SLC7A2: variants seen among roughly 807,000 people sequenced by gnomAD.
SLC7A2 encodes cationic amino acid transporter 2.
In SLC7A2, 48 loss-of-function variants were observed where a neutral mutation model predicts 58.9. That is an observed-to-expected ratio of 0.82 (90% CI 0.65 to 1.04). SLC7A2 has a LOEUF of 1.04. Among genes scored for constraint, SLC7A2 ranks in the 50% least tolerant of loss-of-function variants. SLC7A2 has a pLI of 0.00. For missense variants in SLC7A2, 1,029 were observed against 818.8 expected, an observed-to-expected ratio of 1.26 and a Z score of -3.13; for synonymous variants, 363 against 314.5, an observed-to-expected ratio of 1.15 and a Z score of -1.63.
At chr8:17,497,054 G>C (rs1225868498), upstream of SLC7A2, 1 of 150,768 alleles carries the variant, frequency 6.6e-6, no homozygotes, top group African/African-American at 2.4e-5. Context: ...CCCGCCCCGG[G>C]TGGCTACACA....
intron 8 of SLC7A2, 140 bp from the exon 9 acceptor site, chr8:17,558,155 A>T: frequency 1.7e-6 from 1 of 596,522 alleles, no homozygotes; most frequent in East Asian, 2.8e-5. Flanking sequence ...ACTGTGAGAG[A>T]TATATTTTCT....
At chr8:17,528,050 A>T (rs543475260) in intron 2 of SLC7A2, among the ~76,000 whole-genome samples, 10 of 152,234 alleles carry the variant, frequency 6.6e-5, no homozygotes, top group African/African-American at 2.4e-4. Context: ...GTAACCTTCC[A>T]GGAAGAAGAA....
rs1185787869 is a variant in SLC7A2, at chr8:17,568,359, T to G, written c.*3213T>G. ...TATGAGGAAAACTTATATTAGAACT[T>G]TTGATATATACTAAAATACTGATTA... On this transcript the variant is annotated 3_prime_UTR_variant, in exon 13 of 13. Transcript: ENST00000494857. The G allele has an allele frequency of 6.6e-6, 1 of 152,110 alleles. No individual in the cohort carries two copies. Among genetic ancestry groups the G allele is most frequent in the East Asian group, 1.9e-4 (1 of 5,172 alleles). 9.4% of individuals were successfully genotyped at this position (152,110 alleles called of 1,614,324 possible).
At chr8:17,564,299 T>C (rs571213611) in intron 12 of SLC7A2, among the ~76,000 whole-genome samples, 4 of 152,380 alleles carry the variant, frequency 2.6e-5, no homozygotes, top group East Asian at 1.9e-4. Flanking sequence ...AAGTACAGTA[T>C]TGACTTCTAA....
intron 2 of SLC7A2, among the ~76,000 whole-genome samples, chr8:17,532,244 A>AAAAAAACAAAC (rs1267098349): frequency 3.2e-5 from 4 of 123,832 alleles, no homozygotes; most frequent in African/African-American, 1.1e-4. Context: ...AAAAAAAAAA[A>AAAAAAACAAAC]AAAAAAAAAA....
Position 17,548,683 on chromosome 8 carries a change from T to C in SLC7A2, c.538T>C (p.Leu180=). 6.3e-7 allele frequency: 1 copy of C among 1,596,552 alleles called. No homozygotes were observed. Among genetic ancestry groups the C allele is most frequent in the Non-Finnish European group, 8.5e-7 (1 of 1,174,260 alleles). Residue 180 remains leucine (L), a synonymous_variant, in exon 5 of 13, where the codon TTG becomes CTG. Transcript: ENST00000494857. The part of the protein sequence containing the change: ...VCLILLLAGL[L]SFGVKESAWV... ...GAAATGCCCTTTTTCCATAGGTCTT[T>C]TGTCTTTTGGAGTAAAAGAGTCTGC... is the stretch of plus-strand genomic sequence containing the variant.
In SLC7A2 at chr8:17,551,870, G is replaced by C. The variant is rs1479075214; in HGVS notation, c.939G>C (p.Met313Ile). 1 of 1,613,750 alleles carries C rather than the reference G, an allele frequency of 6.2e-7. No individual in the cohort carries two copies. Among genetic ancestry groups the C allele is most frequent in the Non-Finnish European group, 8.5e-7 (1 of 1,179,974 alleles). The change falls in exon 7 of 13, where the codon ATG (methionine) becomes ATC (isoleucine). Residue 313 changes from methionine to isoleucine, a missense_variant. Coordinates refer to ENST00000494857, the MANE Select transcript of SLC7A2 (RefSeq NM_001370338.1). ...YFGVSAALTL[M>I]MPYYLLDEKS... ...GGGTCTCTGCAGCTTTAACACTTAT[G>C]ATGCCGTACTACCTCCTCGATGAAA...
intron 2 of SLC7A2, among the ~76,000 whole-genome samples, chr8:17,538,580 C>T (rs1395869258): frequency 6.6e-6 from 1 of 152,104 alleles, no homozygotes. Flanking sequence ...TCAATAAATC[C>T]ATGGTATCAT....
intron 3 of SLC7A2, 63 bp from the exon 4 acceptor site, chr8:17,544,388 A>G: frequency 1.4e-6 from 2 of 1,421,268 alleles, no homozygotes; most frequent in Non-Finnish European, 2.0e-6. Flanking sequence ...ATAATAGAGT[A>G]GCAAATGATG....
intron 2 of SLC7A2, among the ~76,000 whole-genome samples, chr8:17,537,811 G>A (rs1411218607): frequency 6.6e-6 from 1 of 152,178 alleles, no homozygotes; most frequent in East Asian, 1.9e-4. Context: ...AGCTCTGGTT[G>A]GGAACGCAGT....
In SLC7A2 at chr8:17,512,163, G is replaced by T. The variant is rs73666174; in HGVS notation, c.-23+9861G>T. ...TATATCGTATGTCAGGCTTTAATTC[G>T]TGTTTCTCTGTCTCTCTATGTGGAG... is the stretch of plus-strand genomic sequence containing the variant. On this transcript the variant is annotated intron_variant, in intron 2 of 12. Transcript: ENST00000494857. 2.6e-5 allele frequency among the ~76,000 whole-genome samples: 4 copies of T among 152,120 alleles called. No homozygotes were observed. In the South Asian group the frequency reaches 6.2e-4, roughly 24 times the overall value.
chr8:17,563,615 C>T lies in SLC7A2; in HGVS notation c.1684C>T (p.Pro562Ser), dbSNP rs1803125307. The change falls in exon 12 of 13, where the codon CCA becomes TCA. Residue 562 changes from proline to serine, a missense_variant. Coordinates refer to ENST00000494857, the MANE Select transcript of SLC7A2 (RefSeq NM_001370338.1). The stretch of plus-strand genomic sequence containing the variant: ...TTTTCCCCCTCAGGTTCCATTCTTA[C>T]CATTTTTGCCAGCGTTCAGCATCTT... ...QKVAFMVPFLPFLPAFSILVN... is the reference protein window; with the variant it reads ...QKVAFMVPFLSFLPAFSILVN... The T allele has an allele frequency of 1.2e-6, 2 of 1,608,008 alleles. No individual in the cohort carries two copies. Among genetic ancestry groups the T allele is most frequent in the Admixed American group, 1.7e-5 (1 of 59,772 alleles).
intron 1 of SLC7A2, chr8:17,498,602 A>G (rs1376124223): frequency 3.9e-5 from 6 of 151,998 alleles, no homozygotes; most frequent in Non-Finnish European, 8.8e-5. Flanking sequence ...AGGCCACTTT[A>G]TTGTGATTTT....
chr8:17,528,595 T>C (rs1298104689), intron 2 of SLC7A2, among the ~76,000 whole-genome samples: 1 of 152,078 alleles, frequency 6.6e-6, no homozygotes, highest in Non-Finnish European at 1.5e-5. Context: ...TTCAGGCTGG[T>C]CTCAAACTCC....
At chr8:17,517,351 G>C (rs1210934372) in intron 2 of SLC7A2, among the ~76,000 whole-genome samples, 2 of 152,130 alleles carry the variant, frequency 1.3e-5, no homozygotes, top group Non-Finnish European at 2.9e-5. Flanking sequence ...AATGTGTTTT[G>C]AATTCAAGAA....
intron 8 of SLC7A2, among the ~76,000 whole-genome samples, chr8:17,556,934 G>A (rs774942336): frequency 2.0e-5 from 3 of 152,104 alleles, no homozygotes; most frequent in Non-Finnish European, 4.4e-5. Flanking sequence ...GAGGCACGCA[G>A]TGTGTTAAAA....
At chr8:17,554,268 G>T (rs1387896785) in intron 7 of SLC7A2, among the ~76,000 whole-genome samples, 1 of 151,978 alleles carries the variant, frequency 6.6e-6, no homozygotes, top group African/African-American at 2.4e-5. Context: ...TTTTAATTTG[G>T]TAATAATTGT....
chr8:17,535,344 A>C (rs1463197083), intron 2 of SLC7A2, among the ~76,000 whole-genome samples: 3 of 151,872 alleles, frequency 2.0e-5, no homozygotes, highest in East Asian at 1.9e-4. Flanking sequence ...AATTTAACTC[A>C]TCCAAACATA....
chr8:17,535,615 A>G (rs1195503884), intron 2 of SLC7A2, among the ~76,000 whole-genome samples: 2 of 152,158 alleles, frequency 1.3e-5, no homozygotes, highest in African/African-American at 4.8e-5. Context: ...AGAAATTTAC[A>G]TTTTTGGCCG....
Sources: gnomAD v4.1 joint callset for allele counts (sites outside exome capture counted in the v4.1 genomes callset) on GRCh38, gnomAD v4.1.1 for gene constraint, MANE v1.5 for transcripts, NCBI Gene and HGNC (gene_info 2026-07-23, HGNC 2026-07-21) for gene names.